C3orf52: variants seen among roughly 807,000 people sequenced by gnomAD.
C3orf52 encodes TPA-induced transmembrane protein.
A neutral mutation model predicts 24.8 loss-of-function variants in C3orf52; 22 were observed. The ratio of observed to expected loss-of-function variants is 0.89; its 90% CI spans 0.63 to 1.27. C3orf52 has a LOEUF of 1.27. C3orf52 is among the 50% of genes most tolerant of loss of function. The pLI, the probability that C3orf52 is intolerant of heterozygous loss-of-function variation, is 0.00. For synonymous variants in C3orf52, 93 were observed against 100.2 expected (o/e 0.93, Z 0.43); for missense variants, 265 against 260.7 (o/e 1.02, Z -0.11).
chr3:112,127,867 G>T (rs1395386499), intron 4 of C3orf52: 5 of 649,756 alleles, frequency 7.7e-6, no homozygotes. Flanking sequence ...AAATTGGAAG[G>T]ATTGCTTCCC....
At chr3:112,108,357 G>A (rs2074047206) in intron 3 of C3orf52, among the ~76,000 whole-genome samples, 1 of 152,186 alleles carries the variant, frequency 6.6e-6, no homozygotes, top group African/African-American at 2.4e-5. Context: ...ACTAAGTGCT[G>A]GTAAGGATGT....
chr3:112,098,559 C>G lies in C3orf52; in HGVS notation c.269-4279C>G, dbSNP rs577886959. The stretch of plus-strand genomic sequence containing the variant: ...ATATTTATCTAAAAATAACTGTCAT[C>G]ATCTCAATTATTATACATGTGAAAC... On this transcript the variant is annotated intron_variant, in intron 2 of 5. Transcript: ENST00000264848. Among the ~76,000 whole-genome samples, 3 of 152,276 alleles carry G rather than the reference C, an allele frequency of 2.0e-5. No homozygotes were observed. The South Asian group carries it at 6.2e-4, about 32-fold the overall frequency.
chr3:112,112,804 T>G, intron 4 of C3orf52, 160 bp from the exon 5 acceptor site: 1 of 727,034 alleles, frequency 1.4e-6, no homozygotes, highest in Non-Finnish European at 2.5e-6. Flanking sequence ...TGGAAGAGGA[T>G]TCTTATAGGA....
At chr3:112,116,510 T>C in intron 5 of C3orf52, 132 bp from the exon 6 acceptor site, 1 of 748,380 alleles carries the variant, frequency 1.3e-6, no homozygotes, top group Non-Finnish European at 2.1e-6. Flanking sequence ...ATTTCCTCTG[T>C]TAGGAATGTA....
chr3:112,087,911 G>A (rs1229455114), intron 1 of C3orf52, among the ~76,000 whole-genome samples: 1 of 152,238 alleles, frequency 6.6e-6, no homozygotes, highest in Non-Finnish European at 1.5e-5. Flanking sequence ...AGGCAAGCCT[G>A]TCCCGTAGTG....
At chr3:112,104,015 A>T (rs1331644859) in intron 3 of C3orf52, among the ~76,000 whole-genome samples, 3 of 152,228 alleles carry the variant, frequency 2.0e-5, no homozygotes, top group Non-Finnish European at 4.4e-5. Context: ...AGAAGGTGTT[A>T]CAATAGTCCA....
chr3:112,112,916 T>C (rs774776660), intron 4 of C3orf52, 48 bp from the exon 5 acceptor site: 4 of 1,449,320 alleles, frequency 2.8e-6, no homozygotes, highest in Non-Finnish European at 3.8e-6. Flanking sequence ...ATTTCTTGAG[T>C]TGCAGTATGA....
At chr3:112,110,040 TA>T (rs2074063622) in intron 4 of C3orf52, among the ~76,000 whole-genome samples, 1 of 152,150 alleles carries the variant, frequency 6.6e-6, no homozygotes, top group Non-Finnish European at 1.5e-5. Context: ...ATTAAAGATG[TA>T]AAGAGGGGCC....
the C3orf52 span, among the ~76,000 whole-genome samples, chr3:112,136,200 C>A: frequency 2.6e-5 from 4 of 152,140 alleles, no homozygotes; most frequent in African/African-American, 9.7e-5. Flanking sequence ...GCTGTCAAGT[C>A]CTCTTATGTG....
chr3:112,094,226 C>T (rs1052999514), intron 2 of C3orf52, among the ~76,000 whole-genome samples: 4 of 152,168 alleles, frequency 2.6e-5, no homozygotes, highest in Non-Finnish European at 5.9e-5. Flanking sequence ...AACTCCTGAC[C>T]TCAAGTGATC....
Position 112,117,895 on chromosome 3 carries a change from T to TG in C3orf52, c.*1250dup, listed in dbSNP as rs1199749549. 4 of 152,234 alleles carry TG rather than the reference T, an allele frequency of 2.6e-5. No homozygotes were observed. Among genetic ancestry groups the TG allele is most frequent in the African/African-American group, 9.6e-5 (4 of 41,470 alleles). The allele number at this position is 152,234 out of a possible 1,614,324, so 9.4% of individuals were successfully genotyped here. A position where few individuals can be genotyped will look rare whatever the true frequency, so the allele number is the denominator to read the frequency against. On this transcript the variant is annotated 3_prime_UTR_variant, in exon 6 of 6. Coordinates refer to ENST00000264848, the MANE Select transcript of C3orf52 (RefSeq NM_024616.3). The stretch of plus-strand genomic sequence containing the variant: ...AATGAGCCCTGGGTTAAAGTCAGTG[T>TG]GAAGGGCAGCTGTGTGCGGGCACGA...
At chr3:112,092,688 C>A (rs1361469098) in intron 1 of C3orf52, among the ~76,000 whole-genome samples, 1 of 152,148 alleles carries the variant, frequency 6.6e-6, no homozygotes, top group African/African-American at 2.4e-5. Flanking sequence ...TTTTCATTGA[C>A]CCCTCCTCTG....
intron 5 of C3orf52, among the ~76,000 whole-genome samples, chr3:112,114,361 A>C (rs375742780): frequency 6.6e-6 from 1 of 150,574 alleles, no homozygotes; most frequent in Admixed American, 6.6e-5. Context: ...GGCAGACACT[A>C]TATGTGTGTG....
intron 4 of C3orf52, among the ~76,000 whole-genome samples, chr3:112,127,667 A>G (rs1358363879): frequency 6.6e-6 from 1 of 152,232 alleles, no homozygotes. Flanking sequence ...GATAAATTAT[A>G]CTATCACCCC....
intron 1 of C3orf52, among the ~76,000 whole-genome samples, chr3:112,089,264 G>A (rs1031650278): frequency 2.6e-5 from 4 of 152,172 alleles, no homozygotes; most frequent in African/African-American, 9.7e-5. Context: ...AGCGGCTCAC[G>A]CCTGTAATCC....
At chr3:112,091,514 CT>C (rs1437389448) in intron 1 of C3orf52, among the ~76,000 whole-genome samples, 1 of 152,156 alleles carries the variant, frequency 6.6e-6, no homozygotes, top group Non-Finnish European at 1.5e-5. Context: ...GACCAGAGGT[CT>C]GCCATGGCCT....
intron 3 of C3orf52, 58 bp from the exon 4 acceptor site, chr3:112,109,485 G>A (rs1286044086): frequency 1.2e-5 from 13 of 1,096,440 alleles, no homozygotes; most frequent in Non-Finnish European, 1.8e-5. Context: ...TTTGTCAGGT[G>A]ATGTGTAATA....
chr3:112,130,542 A>G (rs895220692), downstream of C3orf52: 5 of 1,595,562 alleles, frequency 3.1e-6, no homozygotes, highest in Admixed American at 5.0e-5. Context: ...GAAACAGGCT[A>G]AGTATTTCCT....
At chr3:112,091,775 C>T (rs769747399) in intron 1 of C3orf52, among the ~76,000 whole-genome samples, 10 of 152,076 alleles carry the variant, frequency 6.6e-5, no homozygotes, top group South Asian at 2.1e-4. Context: ...GAGGTTGAGG[C>T]GGGAGGATCA....
Sources: allele counts gnomAD v4.1 joint callset (sites outside exome capture counted in the v4.1 genomes callset), GRCh38; gene constraint gnomAD v4.1.1; transcripts MANE v1.5; gene names NCBI Gene and HGNC (gene_info 2026-07-23, HGNC 2026-07-21).